GRM8: variants seen among roughly 807,000 people sequenced by gnomAD.
The protein encoded by GRM8 is metabotropic glutamate receptor 8.
A neutral mutation model predicts 87.2 loss-of-function variants in GRM8; 47 were observed. The observed-to-expected ratio is 0.54, with a 90% CI of 0.43 to 0.69. GRM8 has a LOEUF of 0.69. Among genes scored for constraint, GRM8 ranks in the 30% least tolerant of loss-of-function variants. GRM8 has a pLI of 0.00. For synonymous variants in GRM8, 396 were observed against 404.5 expected, an observed-to-expected ratio of 0.98 and a Z score of 0.25; for missense variants, 1,019 against 1,139.2, an observed-to-expected ratio of 0.89 and a Z score of 1.52.
chr7:126,783,659 T>C (rs1055985623), intron 6 of GRM8, among the ~76,000 whole-genome samples: 6 of 152,198 alleles, frequency 3.9e-5, no homozygotes, highest in Non-Finnish European at 8.8e-5. Context: ...AATTGAACAC[T>C]GCAAATGTTC....
intron 6 of GRM8, among the ~76,000 whole-genome samples, chr7:126,796,850 C>A (rs1274432263): frequency 1.3e-5 from 2 of 152,034 alleles, no homozygotes; most frequent in Non-Finnish European, 2.9e-5. Flanking sequence ...CCCACTGGGG[C>A]TTGTCTCAAT....
At chr7:126,697,249 G>A (rs1283557475) in intron 7 of GRM8, among the ~76,000 whole-genome samples, 2 of 151,128 alleles carry the variant, frequency 1.3e-5, no homozygotes, top group African/African-American at 2.4e-5. Context: ...GGGGAATGGA[G>A]AAATGCACGT....
intron 7 of GRM8, among the ~76,000 whole-genome samples, chr7:126,670,848 C>T (rs1806301861): frequency 1.3e-5 from 2 of 152,096 alleles, no homozygotes; most frequent in South Asian, 2.1e-4. Context: ...CTATTTACGA[C>T]CTTTAATAAT....
intron 3 of GRM8, among the ~76,000 whole-genome samples, chr7:126,960,607 C>T (rs1436101370): frequency 6.6e-6 from 1 of 152,110 alleles, no homozygotes; most frequent in East Asian, 1.9e-4. Flanking sequence ...TTTGGGCAGA[C>T]ATAAGAAAAT....
chr7:126,532,764 G>GATATAGATATAT (rs1815026306), intron 9 of GRM8, among the ~76,000 whole-genome samples, 188 bp downstream of exon 9: 1 of 110,982 alleles, frequency 9.0e-6, no homozygotes, highest in Non-Finnish European at 1.8e-5. Flanking sequence ...GACGGATGGA[G>GATATAGATATAT]ATATATATAT....
chr7:126,671,633 G>A (rs185734773), intron 7 of GRM8, among the ~76,000 whole-genome samples: 9 of 152,250 alleles, frequency 5.9e-5, no homozygotes, highest in Admixed American at 3.9e-4. Context: ...AGAACAAGAG[G>A]GATGGGTAAT....
chr7:126,471,233 G>A (rs1230898854), intron 9 of GRM8, among the ~76,000 whole-genome samples: 2 of 152,176 alleles, frequency 1.3e-5, no homozygotes, highest in African/African-American at 4.8e-5. Context: ...GGTTGCCATT[G>A]CTTTTAGTGT....
At chr7:126,485,431 A>T (rs1392895836) in intron 9 of GRM8, among the ~76,000 whole-genome samples, 2 of 151,986 alleles carry the variant, frequency 1.3e-5, no homozygotes, top group Non-Finnish European at 2.9e-5. Flanking sequence ...GCATGAGGGC[A>T]CTAAATAGCA....
intron 3 of GRM8, among the ~76,000 whole-genome samples, chr7:126,915,090 C>A (rs1360982311): frequency 6.6e-6 from 1 of 152,172 alleles, no homozygotes; most frequent in Non-Finnish European, 1.5e-5. Flanking sequence ...TGGGCTCTCA[C>A]TCAGCCACAA....
chr7:126,639,247 G>A (rs909605922), intron 7 of GRM8, among the ~76,000 whole-genome samples: 78 of 152,236 alleles, frequency 5.1e-4, no homozygotes, highest in Admixed American at 1.7e-3. Context: ...GCATGGAAGT[G>A]CATCTACTGA....
At chr7:126,474,823 T>C (rs1161256087) in intron 9 of GRM8, among the ~76,000 whole-genome samples, 3 of 152,236 alleles carry the variant, frequency 2.0e-5, no homozygotes, top group Non-Finnish European at 4.4e-5. Context: ...GTAAAGATGG[T>C]TTCATGTACA....
intron 3 of GRM8, among the ~76,000 whole-genome samples, chr7:126,970,303 C>T (rs1469621814): frequency 6.6e-6 from 1 of 152,190 alleles, no homozygotes; most frequent in Non-Finnish European, 1.5e-5. Flanking sequence ...GCTGCTTTGT[C>T]TACATTGAAA....
intron 9 of GRM8, among the ~76,000 whole-genome samples, chr7:126,527,218 C>T (rs756921516): frequency 6.6e-6 from 1 of 152,044 alleles, no homozygotes; most frequent in Non-Finnish European, 1.5e-5. Flanking sequence ...ATTAGCTGGG[C>T]ATAGTGGTGC....
chr7:127,149,103 A>G (rs968967898), intron 2 of GRM8, among the ~76,000 whole-genome samples: 2 of 152,076 alleles, frequency 1.3e-5, no homozygotes, highest in South Asian at 4.1e-4. Context: ...AAGCTTCTGT[A>G]CAGCAAAGAA....
At chr7:126,935,227 T>C (rs1405304477) in intron 3 of GRM8, among the ~76,000 whole-genome samples, 1 of 152,178 alleles carries the variant, frequency 6.6e-6, no homozygotes, top group East Asian at 1.9e-4. Flanking sequence ...GCATCATGTT[T>C]GTGTAGATCA....
chr7:127,036,158 A>T (rs1817821529), intron 3 of GRM8, among the ~76,000 whole-genome samples: 2 of 152,110 alleles, frequency 1.3e-5, no homozygotes, highest in Admixed American at 1.3e-4. Context: ...TCTACACTTT[A>T]TTTCACTCAA....
intron 2 of GRM8, among the ~76,000 whole-genome samples, chr7:127,236,623 C>A (rs2116843463): frequency 6.6e-6 from 1 of 152,178 alleles, no homozygotes; most frequent in East Asian, 1.9e-4. Context: ...TCTCCTTTGA[C>A]CTTTGGGGAT....
At chr7:126,612,726 CAAAG>C (rs1488018224) in intron 7 of GRM8, among the ~76,000 whole-genome samples, 1 of 152,182 alleles carries the variant, frequency 6.6e-6, no homozygotes, top group African/African-American at 2.4e-5. Flanking sequence ...AGCACTGCAG[CAAAG>C]ACAGTGTTCA....
At chr7:126,728,715 T>C (rs934426084) in intron 7 of GRM8, among the ~76,000 whole-genome samples, 20 of 152,250 alleles carry the variant, frequency 1.3e-4, no homozygotes, top group African/African-American at 4.8e-4. Context: ...AGGAGCTAGA[T>C]GAACAACTCA....
Sources: allele counts gnomAD v4.1 joint callset (sites outside exome capture counted in the v4.1 genomes callset), GRCh38; gene constraint gnomAD v4.1.1; transcripts MANE v1.5; gene names NCBI Gene and HGNC (gene_info 2026-07-23, HGNC 2026-07-21).